SOX5: variants seen among roughly 807,000 people sequenced by gnomAD.
SOX5 encodes the protein transcription factor SOX-5.
SOX5 carries 9 observed loss-of-function variants against 92.0 expected under a neutral mutation model. The observed-to-expected ratio is 0.10, with a 90% CI of 0.06 to 0.17. The LOEUF is 0.17. Among genes scored for constraint, SOX5 ranks in the 10% least tolerant of loss-of-function variants. SOX5 has a pLI of 1.00. For synonymous variants in SOX5, 344 were observed against 336.3 expected (o/e 1.02, Z -0.25); for missense variants, 642 against 944.5 (o/e 0.68, Z 4.20).
intron 4 of SOX5, among the ~76,000 whole-genome samples, chr12:24,083,981 A>G (rs1043859329): frequency 6.6e-6 from 1 of 152,028 alleles, no homozygotes; most frequent in Non-Finnish European, 1.5e-5. Context: ...AGGCTTCTTC[A>G]GGATCTCACC....
chr12:23,536,924 G>A (rs114657605), intron 13 of SOX5, among the ~76,000 whole-genome samples: 1,953 of 151,874 alleles, frequency 0.013, 43 homozygotes, highest in African/African-American at 0.045. Context: ...GTCCCTTAAA[G>A]CTCATAGATA....
At chr12:23,787,291 C>G (rs760699093) in intron 3 of SOX5, among the ~76,000 whole-genome samples, 4 of 151,904 alleles carry the variant, frequency 2.6e-5, no homozygotes, top group Non-Finnish European at 5.9e-5. Flanking sequence ...ATACACCAAT[C>G]GGAAGAGATC....
Position 23,532,332 on chromosome 12 carries a change from C to A in SOX5, c.*1887G>T, listed in dbSNP as rs1437559552. On this transcript the variant is annotated 3_prime_UTR_variant, in exon 15 of 15. Coordinates refer to ENST00000451604, the MANE Select transcript of SOX5 (RefSeq NM_006940.6). ...TCTTTTTTTATTTATATGTAAAAAT[C>A]CAACTTTAGGGTGGTGTTTCGGGGG... is the stretch of plus-strand genomic sequence containing the variant. The A allele has an allele frequency of 6.6e-6, 1 of 151,940 alleles. No individual in the cohort carries two copies. Among genetic ancestry groups the A allele is most frequent in the Non-Finnish European group, 1.5e-5 (1 of 67,994 alleles). The allele number at this position is 151,940 out of a possible 1,614,324, so 9.4% of individuals were successfully genotyped here. A position where few individuals can be genotyped will look rare whatever the true frequency, so the allele number is the denominator to read the frequency against.
At chr12:24,184,898 T>C (rs7296506) in intron 4 of SOX5, among the ~76,000 whole-genome samples, 30,967 of 152,042 alleles carry the variant, frequency 0.2, 3,553 homozygotes, top group African/African-American at 0.31. Context: ...TTGTGAAGAA[T>C]AGAGTCTCTA....
At chr12:23,687,361 A>C (rs545166524) in intron 6 of SOX5, among the ~76,000 whole-genome samples, 2 of 152,038 alleles carry the variant, frequency 1.3e-5, no homozygotes, top group Non-Finnish European at 2.9e-5. Context: ...ATATATGTGT[A>C]TACGGTGTCA....
At chr12:24,494,459 A>C (rs1028619734) in intron 1 of SOX5, among the ~76,000 whole-genome samples, 5 of 152,230 alleles carry the variant, frequency 3.3e-5, no homozygotes, top group Admixed American at 1.3e-4. Context: ...CAACAGTATG[A>C]AACAGATAGC....
At chr12:24,263,420 C>T (rs1248109077) in intron 3 of SOX5, among the ~76,000 whole-genome samples, 6 of 145,514 alleles carry the variant, frequency 4.1e-5, no homozygotes, top group Non-Finnish European at 7.5e-5. Context: ...CCCAGCTGCT[C>T]GGGAGGCTGA....
At chr12:24,081,047 T>C (rs1943269169) in intron 4 of SOX5, among the ~76,000 whole-genome samples, 1 of 152,030 alleles carries the variant, frequency 6.6e-6, no homozygotes. Context: ...TTAATACATA[T>C]GGCATCAGTG....
intron 2 of SOX5, among the ~76,000 whole-genome samples, chr12:24,364,316 A>G (rs923765008): frequency 1.3e-5 from 2 of 151,764 alleles, no homozygotes; most frequent in Non-Finnish European, 2.9e-5. Context: ...TCTTATCTGA[A>G]ACTCACACCT....
rs140120756 is a variant in SOX5 at position 24,065,112 on chromosome 12, A to T, written c.-2+148231T>A. 1.7e-4 allele frequency among the ~76,000 whole-genome samples: 26 copies of T among 152,190 alleles called. 1 individual carries two copies. Among genetic ancestry groups the T allele is most frequent in the African/African-American group, 6.3e-4 (26 of 41,456 alleles). ...CATTAAGGGGGTGAAAGGGCAGTTT[A>T]GGGATGTGCGGATGTGTAAGGTTCA... On this transcript the variant is annotated intron_variant, in intron 4 of 4. Coordinates refer to the SOX5 transcript ENST00000446891.
intron 2 of SOX5, among the ~76,000 whole-genome samples, chr12:24,313,488 C>A (rs922917880): frequency 1.3e-5 from 2 of 152,124 alleles, no homozygotes; most frequent in Non-Finnish European, 2.9e-5. Flanking sequence ...TATGATCATA[C>A]CCCTGCACTC....
At chr12:23,570,534 T>C (rs559587390) in intron 10 of SOX5, among the ~76,000 whole-genome samples, 2 of 152,050 alleles carry the variant, frequency 1.3e-5, no homozygotes, top group South Asian at 4.2e-4. Context: ...TCCCAGCACT[T>C]TGGGGGGCTG....
intron 1 of SOX5, among the ~76,000 whole-genome samples, chr12:24,454,672 T>A (rs1043319986): frequency 6.6e-6 from 1 of 152,230 alleles, no homozygotes; most frequent in Admixed American, 6.5e-5. Context: ...TTCAATGCAC[T>A]GTCATTCTGA....
intron 1 of SOX5, among the ~76,000 whole-genome samples, chr12:24,410,405 T>A (rs2136774172): frequency 6.6e-6 from 1 of 152,356 alleles, no homozygotes; most frequent in South Asian, 2.1e-4. Context: ...CCCTGAAGAT[T>A]CTTTTTACCC....
chr12:24,525,186 T>C (rs746700481), intron 1 of SOX5, among the ~76,000 whole-genome samples: 4 of 152,200 alleles, frequency 2.6e-5, no homozygotes, highest in African/African-American at 7.2e-5. Context: ...AAAAGTGATA[T>C]ATACATACAA....
rs1199523929 is a variant in SOX5 at position 23,532,574 on chromosome 12, C to T, written c.*1645G>A. The stretch of plus-strand genomic sequence containing the variant: ...ATTCAGTTGTTGCTCTTTGCAAATA[C>T]TCTGCTTGAACCAAAGTTGGACTTC... On this transcript the variant is annotated 3_prime_UTR_variant, in exon 15 of 15. Transcript: ENST00000451604. 1 of 152,300 alleles carries T rather than the reference C, an allele frequency of 6.6e-6. No individual in the cohort carries two copies. Among genetic ancestry groups the T allele is most frequent in the Non-Finnish European group, 1.5e-5 (1 of 68,140 alleles). The allele number at this position is 152,300 out of a possible 1,614,324, so 9.4% of individuals were successfully genotyped here.
chr12:23,991,063 G>C (rs1037398803), intron 4 of SOX5, among the ~76,000 whole-genome samples: 5 of 151,418 alleles, frequency 3.3e-5, no homozygotes, highest in African/African-American at 9.7e-5. Flanking sequence ...ATGTGCTATA[G>C]AAGTATAAGG....
chr12:24,180,385 AAT>A (rs1164800103), intron 4 of SOX5, among the ~76,000 whole-genome samples: 3 of 152,120 alleles, frequency 2.0e-5, no homozygotes, highest in African/African-American at 4.8e-5. Flanking sequence ...GTCTCAACTA[AAT>A]ATATATATGT....
chr12:23,960,516 T>TATATATATATACATATATATTTATATAC (rs1946787496), intron 4 of SOX5, among the ~76,000 whole-genome samples: 1 of 78,892 alleles, frequency 1.3e-5, no homozygotes, highest in African/African-American at 3.8e-5. Context: ...TTTATATACA[T>TATATATATATACATATATATTTATATAC]ATATATATAT....
Sources: allele counts gnomAD v4.1 joint callset (sites outside exome capture counted in the v4.1 genomes callset), GRCh38; gene constraint gnomAD v4.1.1; transcripts MANE v1.5; gene names NCBI Gene and HGNC (gene_info 2026-07-23, HGNC 2026-07-21).